The following GDA variants were observed in gnomAD, a reference collection of about 807,000 sequenced individuals.
The protein encoded by GDA is cytoplasmic PSD-95 interactor.
A neutral mutation model predicts 59.6 loss-of-function variants in GDA; 18 were observed. That is an observed-to-expected ratio of 0.30 (90% CI 0.21 to 0.45). GDA has a LOEUF of 0.45. GDA is among the 20% of genes least tolerant of loss of function. The probability of loss-of-function intolerance (pLI) is 1.00; values close to 1 mark genes in which losing one functional copy is unlikely to be tolerated. For synonymous variants in GDA, 201 were observed against 201.1 expected (o/e 1.00, Z 0.00); for missense variants, 427 against 552.3 (o/e 0.77, Z 2.27).
At chr9:72,189,092 C>A (rs912232481) in intron 1 of GDA, among the ~76,000 whole-genome samples, 40 of 149,568 alleles carry the variant, frequency 2.7e-4, no homozygotes, top group African/African-American at 9.9e-4. Flanking sequence ...CACAGGCTCA[C>A]AGCTGTAGGA....
chr9:72,127,487 ATTAG>A (rs950466957), intron 1 of GDA, among the ~76,000 whole-genome samples: 16 of 152,044 alleles, frequency 1.1e-4, no homozygotes, highest in African/African-American at 3.6e-4. Context: ...AAAGACAAAA[ATTAG>A]TTAGGTGTGG....
intron 1 of GDA, among the ~76,000 whole-genome samples, chr9:72,123,106 G>A (rs1825719225): frequency 6.6e-6 from 1 of 151,608 alleles, no homozygotes; most frequent in Non-Finnish European, 1.5e-5. Flanking sequence ...TTTCTTCAAG[G>A]CAGTTATTCT....
chr9:72,189,574 C>A (rs1302870176), intron 1 of GDA, among the ~76,000 whole-genome samples: 1 of 152,262 alleles, frequency 6.6e-6, no homozygotes, highest in African/African-American at 2.4e-5. Context: ...AATACAGTGG[C>A]TCATGCCTGT....
chr9:72,178,233 A>C (rs1162465598), intron 1 of GDA, among the ~76,000 whole-genome samples: 1 of 152,150 alleles, frequency 6.6e-6, no homozygotes, highest in South Asian at 2.1e-4. Flanking sequence ...CTAGAAACTA[A>C]GTTTGCACTT....
At chr9:72,190,854 T>C (rs1587558164) in intron 1 of GDA, among the ~76,000 whole-genome samples, 1 of 152,204 alleles carries the variant, frequency 6.6e-6, no homozygotes, top group South Asian at 2.1e-4. Context: ...TTGAAAGTAA[T>C]TTGTTAAGTG....
At chr9:72,226,018 T>C (rs11143182) in intron 8 of GDA, among the ~76,000 whole-genome samples, 60 of 147,168 alleles carry the variant, frequency 4.1e-4, no homozygotes, top group African/African-American at 1.2e-3. Context: ...TGTGTGTGCG[T>C]GTGTGTGTGT....
Position 72,248,895 on chromosome 9 carries a change from C to G in GDA, c.*553C>G, listed in dbSNP as rs1328374420. The G allele has an allele frequency of 4.1e-6, 4 of 985,556 alleles. No homozygotes were observed. Among genetic ancestry groups the G allele is most frequent in the Non-Finnish European group, 4.8e-6 (4 of 829,800 alleles). 61.1% of individuals were successfully genotyped at this position (985,556 alleles called of 1,614,324 possible). On this transcript the variant is annotated 3_prime_UTR_variant, in exon 14 of 14. Coordinates refer to ENST00000358399, the MANE Select transcript of GDA (RefSeq NM_004293.5). The stretch of plus-strand genomic sequence containing the variant: ...ATTTAAAACGTGTTTCTAGGTTGAC[C>G]TTGTGTTTTAGAAATTTGCACTTAA...
rs1840571384 is a variant in GDA at position 72,250,442 on chromosome 9, T to A, written c.*2100T>A. On this transcript the variant is annotated 3_prime_UTR_variant, in exon 14 of 14. Coordinates refer to ENST00000358399, the MANE Select transcript of GDA (RefSeq NM_004293.5). ...CCTGTTAAACATTTAAATTTAGCTC[T>A]GATAGTGTGTTAAGACCTGAATATC... is the stretch of plus-strand genomic sequence containing the variant. The A allele has an allele frequency of 8.0e-7, 1 of 1,245,860 alleles. No homozygotes were observed. The highest frequency in any genetic ancestry group is 1.5e-5 in the African/African-American group (1 of 64,784). The allele number at this position is 1,245,860 out of a possible 1,614,324, so 77.2% of individuals were successfully genotyped here.
At chr9:72,171,083 C>T (rs893052367) in intron 1 of GDA, among the ~76,000 whole-genome samples, 1 of 152,224 alleles carries the variant, frequency 6.6e-6, no homozygotes. Context: ...TCCCAAAGTG[C>T]TGGGATTACA....
intron 1 of GDA, among the ~76,000 whole-genome samples, chr9:72,173,050 C>G (rs972531493): frequency 6.6e-6 from 1 of 152,160 alleles, no homozygotes; most frequent in Non-Finnish European, 1.5e-5. Context: ...TTATTACAAA[C>G]TTGGTGGCTT....
chr9:72,191,473 CTTTT>C (rs572715868), intron 1 of GDA, among the ~76,000 whole-genome samples: 2 of 138,040 alleles, frequency 1.4e-5, no homozygotes, highest in Non-Finnish European at 1.6e-5. Flanking sequence ...AGGGAAGGCT[CTTTT>C]TTTTTTTTTT....
intron 1 of GDA, among the ~76,000 whole-genome samples, chr9:72,161,462 A>G (rs557835875): frequency 8.6e-5 from 13 of 151,606 alleles, no homozygotes; most frequent in African/African-American, 2.2e-4. Context: ...CTAGATGCCA[A>G]TGTATGTGGT....
intron 11 of GDA, among the ~76,000 whole-genome samples, chr9:72,243,620 A>G (rs1839853461): frequency 1.3e-5 from 2 of 152,144 alleles, no homozygotes; most frequent in Non-Finnish European, 2.9e-5. Context: ...ATTTTGGATT[A>G]TTTTCATACC....
At chr9:72,165,960 C>T (rs977430364) in intron 1 of GDA, among the ~76,000 whole-genome samples, 3 of 151,946 alleles carry the variant, frequency 2.0e-5, no homozygotes, top group Admixed American at 6.6e-5. Context: ...AGATTTCCCC[C>T]TTCCCCAAGG....
Position 72,249,225 on chromosome 9 carries a change from A to G in GDA, c.*883A>G. 1 of 985,032 alleles carries G rather than the reference A, an allele frequency of 1.0e-6. No individual in the cohort carries two copies. Among genetic ancestry groups the G allele is most frequent in the Non-Finnish European group, 1.2e-6 (1 of 829,610 alleles). 61.0% of individuals were successfully genotyped at this position (985,032 alleles called of 1,614,324 possible). A position where few individuals can be genotyped will look rare whatever the true frequency, so the allele number is the denominator to read the frequency against. Reference sequence around the variant, plus strand: ...TTTATGTAGACTGGAGTCTTCGTGAACTGGGGCAAATGCTGGCATCCAGGA... The same window carrying G: ...TTTATGTAGACTGGAGTCTTCGTGAGCTGGGGCAAATGCTGGCATCCAGGA... On this transcript the variant is annotated 3_prime_UTR_variant, in exon 14 of 14. Coordinates refer to ENST00000358399, the MANE Select transcript of GDA (RefSeq NM_004293.5).
At chr9:72,146,734 C>A (rs573985197), upstream of GDA, among the ~76,000 whole-genome samples, 1 of 152,144 alleles carries the variant, frequency 6.6e-6, no homozygotes, top group Non-Finnish European at 1.5e-5. Flanking sequence ...TCAAGTGATC[C>A]GCCCTCCTCA....
At chr9:72,167,563 C>T (rs529054756) in intron 1 of GDA, among the ~76,000 whole-genome samples, 3 of 152,318 alleles carry the variant, frequency 2.0e-5, no homozygotes, top group African/African-American at 7.2e-5. Context: ...GCTTAAGCAA[C>T]TTTCTGTCCA....
chr9:72,162,615 G>C (rs1167481604), intron 1 of GDA, among the ~76,000 whole-genome samples: 2 of 152,050 alleles, frequency 1.3e-5, no homozygotes, highest in African/African-American at 4.8e-5. Context: ...CAAGAGCCAT[G>C]GAAAGCCTAC....
At chr9:72,233,099 T>G (rs1838543597) in intron 10 of GDA, among the ~76,000 whole-genome samples, 1 of 152,210 alleles carries the variant, frequency 6.6e-6, no homozygotes, top group African/African-American at 2.4e-5. Context: ...TACTATTTCC[T>G]AAACGTGACT....
Sources: allele counts gnomAD v4.1 joint callset (sites outside exome capture counted in the v4.1 genomes callset), GRCh38; gene constraint gnomAD v4.1.1; transcripts MANE v1.5; gene names NCBI Gene and HGNC (gene_info 2026-07-23, HGNC 2026-07-21).